DCC: variants seen among roughly 807,000 people sequenced by gnomAD.
The protein encoded by DCC is DCC netrin 1 receptor, also known as netrin receptor DCC.
Under a neutral mutation model 172.5 loss-of-function variants are expected in DCC, and 58 were observed. The ratio of observed to expected loss-of-function variants is 0.34; its 90% CI spans 0.27 to 0.42. DCC has a LOEUF of 0.42. Among genes scored for constraint, DCC ranks in the 10% least tolerant of loss-of-function variants. DCC has a pLI of 1.00. For missense variants in DCC, 1,740 were observed against 1,791.0 expected (o/e 0.97, Z 0.51); for synonymous variants, 709 against 644.5 (o/e 1.10, Z -1.52).
intron 27 of DCC, among the ~76,000 whole-genome samples, chr18:53,517,705 A>T (rs534875170): frequency 6.6e-6 from 1 of 152,156 alleles, no homozygotes; most frequent in Admixed American, 6.5e-5. Flanking sequence ...CCAGTGGTCA[A>T]ATAGGCTGTT....
chr18:53,284,133 C>G lies in DCC; in HGVS notation c.1912-21445C>G, dbSNP rs112940224. 3.3e-5 allele frequency among the ~76,000 whole-genome samples: 5 copies of G among 152,288 alleles called. 1 individual carries two copies. Among genetic ancestry groups the G allele is most frequent in the African/African-American group, 1.2e-4 (5 of 41,568 alleles). On this transcript the variant is annotated intron_variant, in intron 12 of 28. Coordinates refer to ENST00000442544, the MANE Select transcript of DCC (RefSeq NM_005215.4). ...ACCCCTACCTGCATCTCCTCAAACC[C>G]TCTGAAAGAATACCCTGTACAGGCT...
chr18:53,242,839 G>T (rs1163813794), intron 12 of DCC, among the ~76,000 whole-genome samples: 3 of 151,598 alleles, frequency 2.0e-5, no homozygotes, highest in Non-Finnish European at 4.4e-5. Flanking sequence ...CTCCCTAGGG[G>T]ATAAAGGTGT....
intron 2 of DCC, among the ~76,000 whole-genome samples, chr18:52,863,032 T>G (rs968435077): frequency 3.9e-5 from 6 of 152,120 alleles, no homozygotes; most frequent in Non-Finnish European, 5.9e-5. Flanking sequence ...GAGAAGATAT[T>G]CATAAACATT....
At chr18:52,594,127 T>C (rs2033859536) in intron 1 of DCC, among the ~76,000 whole-genome samples, 1 of 152,198 alleles carries the variant, frequency 6.6e-6, no homozygotes, top group Non-Finnish European at 1.5e-5. Flanking sequence ...AAGGCTATAA[T>C]AAGTCATAGC....
chr18:53,156,327 T>C lies in DCC; in HGVS notation c.1262-1029T>C, dbSNP rs551679454. ...GGCAAAACCCCATCTTTACTAAATA[T>C]ACAAAAATTAGCCAGGCGTGGGGGC... On this transcript the variant is annotated intron_variant, in intron 7 of 28. Transcript: ENST00000442544. Among the ~76,000 whole-genome samples the C allele has an allele frequency of 7.2e-5, 11 of 152,016 alleles. No homozygotes were observed. In the East Asian group the frequency reaches 1.8e-3, roughly 24 times the overall value.
At chr18:53,426,419 ATATT>A (rs1290191718) in intron 21 of DCC, among the ~76,000 whole-genome samples, 2 of 68,706 alleles carry the variant, frequency 2.9e-5, no homozygotes, top group African/African-American at 6.2e-5. Context: ...TTTATGATAT[ATATT>A]TATATATTTA....
intron 1 of DCC, among the ~76,000 whole-genome samples, chr18:52,358,084 A>C (rs1418599163): frequency 6.6e-6 from 1 of 152,206 alleles, no homozygotes; most frequent in Admixed American, 6.5e-5. Flanking sequence ...TTCCTTTTCC[A>C]AATCCATAAC....
chr18:53,378,528 T>C (rs1169062138), intron 15 of DCC, among the ~76,000 whole-genome samples: 1 of 152,218 alleles, frequency 6.6e-6, no homozygotes, highest in Non-Finnish European at 1.5e-5. Context: ...GGTATCAGTA[T>C]GTGCAGTTTA....
chr18:52,404,325 G>A (rs576228786), intron 1 of DCC, among the ~76,000 whole-genome samples: 2 of 152,154 alleles, frequency 1.3e-5, no homozygotes, highest in African/African-American at 4.8e-5. Context: ...TTTTACTGAA[G>A]AGAATGGGTT....
chr18:52,490,216 C>A (rs751543172), intron 1 of DCC, among the ~76,000 whole-genome samples: 1 of 152,050 alleles, frequency 6.6e-6, no homozygotes, highest in East Asian at 1.9e-4. Context: ...ATAATAGGAG[C>A]TTTTAACAAG....
At chr18:52,453,901 T>C (rs1420900789) in intron 1 of DCC, among the ~76,000 whole-genome samples, 1 of 152,210 alleles carries the variant, frequency 6.6e-6, no homozygotes, top group African/African-American at 2.4e-5. Flanking sequence ...ATGAAATGAC[T>C]TGTTACATCT....
chr18:52,785,455 G>A (rs889179082), intron 2 of DCC, among the ~76,000 whole-genome samples: 1 of 152,046 alleles, frequency 6.6e-6, no homozygotes, highest in African/African-American at 2.4e-5. Context: ...TCCACCCTCT[G>A]CAGTGGTAAC....
intron 2 of DCC, among the ~76,000 whole-genome samples, chr18:52,870,168 G>T (rs1202890891): frequency 6.6e-6 from 1 of 152,190 alleles, no homozygotes; most frequent in Non-Finnish European, 1.5e-5. Flanking sequence ...GCCCAGATCT[G>T]CCTCCTCCTT....
chr18:52,390,883 G>A (rs916545039), intron 1 of DCC, among the ~76,000 whole-genome samples: 9 of 152,006 alleles, frequency 5.9e-5, no homozygotes, highest in South Asian at 4.1e-4. Context: ...TATACATAGC[G>A]AACATTGAGT....
chr18:52,989,645 A>C (rs1464481185), intron 5 of DCC, among the ~76,000 whole-genome samples: 1 of 152,226 alleles, frequency 6.6e-6, no homozygotes, highest in African/African-American at 2.4e-5. Context: ...ATAAGATATG[A>C]ATCTAGAGAA....
chr18:53,222,383 C>CTTTTTTTTTTTTTT (rs67373546), intron 12 of DCC, among the ~76,000 whole-genome samples: 128 of 104,168 alleles, frequency 1.2e-3, no homozygotes, highest in Non-Finnish European at 1.9e-3. Flanking sequence ...TTTCTTTTTT[C>CTTTTTTTTTTTTTT]TTTTTTTTTT....
intron 7 of DCC, among the ~76,000 whole-genome samples, chr18:53,101,577 G>C (rs1229916711): frequency 6.6e-6 from 1 of 152,106 alleles, no homozygotes; most frequent in African/African-American, 2.4e-5. Flanking sequence ...AGGGGTATTT[G>C]TTCAAAATAT....
chr18:53,026,489 T>A (rs889162733), intron 5 of DCC, among the ~76,000 whole-genome samples: 5 of 152,148 alleles, frequency 3.3e-5, no homozygotes, highest in Admixed American at 2.0e-4. Flanking sequence ...CTTTAGAAAA[T>A]GTAGTCTGAA....
chr18:52,357,038 G>T (rs1339380478), intron 1 of DCC, among the ~76,000 whole-genome samples: 1 of 152,088 alleles, frequency 6.6e-6, no homozygotes, highest in Non-Finnish European at 1.5e-5. Flanking sequence ...GTCCACCTTG[G>T]CCTCCCAAAG....
Sources: allele counts gnomAD v4.1 joint callset (sites outside exome capture counted in the v4.1 genomes callset), GRCh38; gene constraint gnomAD v4.1.1; transcripts MANE v1.5; gene names NCBI Gene and HGNC (gene_info 2026-07-23, HGNC 2026-07-21).